The following MLF1 variants were observed in gnomAD, a reference collection of about 807,000 sequenced individuals.
MLF1 encodes myelodysplasia-myeloid leukemia factor 1.
In MLF1, 37 loss-of-function variants were observed where a neutral mutation model predicts 38.3. The ratio of observed to expected loss-of-function variants is 0.96; its 90% CI spans 0.74 to 1.27. The LOEUF is 1.27. MLF1 is among the 50% of genes most tolerant of loss of function. MLF1 has a pLI of 0.00. For missense variants in MLF1, 331 were observed against 349.2 expected, an observed-to-expected ratio of 0.95 and a Z score of 0.42; for synonymous variants, 95 against 106.5, an observed-to-expected ratio of 0.89 and a Z score of 0.66.
Position 158,606,259 on chromosome 3 carries a change from T to A in MLF1, c.*1057T>A. The A allele has an allele frequency of 5.7e-6, 1 of 175,852 alleles. No individual in the cohort carries two copies. Among genetic ancestry groups the A allele is most frequent in the Non-Finnish European group, 1.2e-5 (1 of 81,484 alleles). 10.9% of individuals were successfully genotyped at this position (175,852 alleles called of 1,614,324 possible). A position where few individuals can be genotyped will look rare whatever the true frequency, so the allele number is the denominator to read the frequency against. ...ATAAAATCTTAACTCACATTTGTTG[T>A]TTAATATTTCTGTCAAGGAAAAAAG... On this transcript the variant is annotated 3_prime_UTR_variant, in exon 8 of 8. Coordinates refer to ENST00000466246, the MANE Select transcript of MLF1 (RefSeq NM_001369783.1).
intron 1 of MLF1, among the ~76,000 whole-genome samples, chr3:158,572,888 AAAGAAG>A (rs1384228949): frequency 1.3e-5 from 2 of 151,448 alleles, no homozygotes; most frequent in African/African-American, 2.4e-5. Context: ...CATGAGATGG[AAAGAAG>A]GCCCTTCCTC....
chr3:158,604,657 AT>A (rs1290422302), intron 7 of MLF1, among the ~76,000 whole-genome samples: 1 of 151,526 alleles, frequency 6.6e-6, no homozygotes, highest in Non-Finnish European at 1.5e-5. Flanking sequence ...TTTGTTTTTT[AT>A]TTTTTGTTTT....
chr3:158,604,574 G>A (rs1720249303), intron 7 of MLF1, among the ~76,000 whole-genome samples: 1 of 152,166 alleles, frequency 6.6e-6, no homozygotes, highest in Non-Finnish European at 1.5e-5. Context: ...ACTATAAACA[G>A]TTAAATCTAA....
chr3:158,603,045 T>G (rs1576694997), intron 7 of MLF1, 106 bp downstream of exon 7: 2 of 914,168 alleles, frequency 2.2e-6, no homozygotes, highest in East Asian at 5.3e-5. Context: ...CCAAATTGTA[T>G]CCACAGTATC....
chr3:158,585,879 A>C (rs1717167267), intron 1 of MLF1, among the ~76,000 whole-genome samples: 1 of 152,152 alleles, frequency 6.6e-6, no homozygotes, highest in Admixed American at 6.6e-5. Flanking sequence ...AGAGCAATTT[A>C]AGCTGGGCGT....
intron 1 of MLF1, among the ~76,000 whole-genome samples, chr3:158,577,968 A>C (rs569843246): frequency 1.3e-5 from 2 of 152,330 alleles, no homozygotes; most frequent in East Asian, 3.9e-4. Flanking sequence ...TTGCTTAATA[A>C]AAATGTAATT....
At chr3:158,578,473 C>T (rs906032504) in intron 1 of MLF1, among the ~76,000 whole-genome samples, 1 of 150,942 alleles carries the variant, frequency 6.6e-6, no homozygotes, top group Non-Finnish European at 1.5e-5. Flanking sequence ...CCCTTAAACA[C>T]ATGTATGTAC....
chr3:158,582,718 A>G (rs1716594076), intron 1 of MLF1: 2 of 506,414 alleles, frequency 3.9e-6, no homozygotes, highest in African/African-American at 2.0e-5. Flanking sequence ...AAAAAAACCC[A>G]CTGACCTAGA....
At chr3:158,584,900 C>T (rs1442983567) in intron 1 of MLF1, among the ~76,000 whole-genome samples, 2 of 151,552 alleles carry the variant, frequency 1.3e-5, no homozygotes, top group Non-Finnish European at 2.9e-5. Flanking sequence ...TAGCCAGGCA[C>T]AGTGGTGCAC....
At chr3:158,600,678 A>G (rs1719621684) in intron 6 of MLF1, among the ~76,000 whole-genome samples, 2 of 151,426 alleles carry the variant, frequency 1.3e-5, no homozygotes, top group East Asian at 1.9e-4. Flanking sequence ...TTATGATGCT[A>G]TTTTTCAAAA....
chr3:158,573,783 A>G (rs1400069308), intron 1 of MLF1, among the ~76,000 whole-genome samples: 1 of 149,594 alleles, frequency 6.7e-6, no homozygotes. Context: ...TTCAAACAAT[A>G]TCTGTGGGGG....
chr3:158,573,420 A>AGGGG (rs1714888215), intron 1 of MLF1: 1 of 110,308 alleles, frequency 9.1e-6, no homozygotes, highest in Non-Finnish European at 1.8e-5. Context: ...GGGGGTGTGT[A>AGGGG]TTTAACACCT....
intron 1 of MLF1, among the ~76,000 whole-genome samples, chr3:158,580,042 C>A (rs1352751727): frequency 6.6e-6 from 1 of 152,126 alleles, no homozygotes; most frequent in Non-Finnish European, 1.5e-5. Flanking sequence ...TTGGAATAAT[C>A]TGGTTTTTGA....
Position 158,592,582 on chromosome 3 carries a change from GTAAGTT to G in MLF1, c.195+2_195+7del. 6.3e-7 allele frequency: 1 copy of G among 1,590,298 alleles called. No individual in the cohort carries two copies. Among genetic ancestry groups the G allele is most frequent in the Non-Finnish European group, 8.5e-7 (1 of 1,172,674 alleles). On this transcript the variant is annotated splice_donor_variant and splice_donor_5th_base_variant and intron_variant, in intron 2 of 7. Transcript: ENST00000466246. LOFTEE classifies it high-confidence loss of function. ...TAATGATGGTGAAGATTCTTTGACT[GTAAGTT>G]CTTTTTTTTAAGACAGTTAGTGAGA...
intron 1 of MLF1, chr3:158,573,260 T>C (rs1471238017): frequency 1.3e-5 from 2 of 151,366 alleles, no homozygotes; most frequent in African/African-American, 2.4e-5. Flanking sequence ...GAAGTTGCCA[T>C]GCCAATTGCG....
intron 7 of MLF1, among the ~76,000 whole-genome samples, chr3:158,604,040 G>A (rs998150218): frequency 2.6e-5 from 4 of 152,162 alleles, no homozygotes; most frequent in African/African-American, 9.7e-5. Flanking sequence ...GAAGGTGGAA[G>A]CCTTCACAGA....
intron 6 of MLF1, among the ~76,000 whole-genome samples, chr3:158,601,493 C>G (rs1256660157): frequency 6.6e-6 from 1 of 152,138 alleles, no homozygotes; most frequent in Non-Finnish European, 1.5e-5. Context: ...TCGCTTGAAC[C>G]CAGGAGGCGG....
intron 1 of MLF1, among the ~76,000 whole-genome samples, chr3:158,578,574 C>A (rs1383053781): frequency 6.6e-6 from 1 of 151,906 alleles, no homozygotes; most frequent in Admixed American, 6.6e-5. Context: ...TGGAATCAAT[C>A]TAAGAGTTAA....
chr3:158,590,613 C>T (rs1162468076), intron 1 of MLF1, among the ~76,000 whole-genome samples: 2 of 152,066 alleles, frequency 1.3e-5, no homozygotes, highest in Admixed American at 6.5e-5. Flanking sequence ...AAGCATTATG[C>T]TAAGGGAAAG....
Sources: allele counts gnomAD v4.1 joint callset (sites outside exome capture counted in the v4.1 genomes callset), GRCh38; gene constraint gnomAD v4.1.1; transcripts MANE v1.5; gene names NCBI Gene and HGNC (gene_info 2026-07-23, HGNC 2026-07-21).